SSBP3: variants seen among roughly 807,000 people sequenced by gnomAD.
SSBP3 encodes the protein single stranded DNA binding protein 3.
Under a neutral mutation model 69.6 loss-of-function variants are expected in SSBP3, and 5 were observed. The observed-to-expected ratio is 0.07, with a 90% confidence interval of 0.04 to 0.15. The LOEUF (loss-of-function observed/expected upper bound fraction) is 0.15, where lower values mean the gene tolerates loss of function less well. Ranked by LOEUF, SSBP3 falls within the 10% of genes least tolerant of loss-of-function variation. The pLI is 1.00. For synonymous variants in SSBP3, 196 were observed against 193.4 expected (o/e 1.01, Z -0.11); for missense variants, 312 against 534.0 (o/e 0.58, Z 4.10).
At chr1:54,272,786 G>T (rs1319305673) in intron 5 of SSBP3, among the ~76,000 whole-genome samples, 5 of 152,214 alleles carry the variant, frequency 3.3e-5, no homozygotes, top group Admixed American at 3.3e-4. Context: ...AGGTCCAAAG[G>T]AGAAAGGATA....
chr1:54,352,174 C>CA (rs1199769492), intron 4 of SSBP3, among the ~76,000 whole-genome samples: 14 of 148,482 alleles, frequency 9.4e-5, no homozygotes, highest in South Asian at 2.2e-4. Context: ...CCCCGCCCCC[C>CA]AAAAAAAACA....
chr1:54,240,306 A>AAATT (rs1644607692), intron 13 of SSBP3, among the ~76,000 whole-genome samples: 2 of 150,804 alleles, frequency 1.3e-5, no homozygotes, highest in African/African-American at 4.9e-5. Context: ...AAAAATACAA[A>AAATT]AATTAGCCGG....
chr1:54,235,527 C>T (rs566152815), intron 14 of SSBP3, among the ~76,000 whole-genome samples: 5 of 146,154 alleles, frequency 3.4e-5, no homozygotes, highest in African/African-American at 1.3e-4. Context: ...GCAATCTCAG[C>T]TCACTGCAAC....
At chr1:54,410,015 T>C (rs1394362329), upstream of SSBP3, among the ~76,000 whole-genome samples, 1 of 152,224 alleles carries the variant, frequency 6.6e-6, no homozygotes, top group African/African-American at 2.4e-5. Context: ...GGGGCAGGTG[T>C]GCCCTCTGTG....
upstream of SSBP3, among the ~76,000 whole-genome samples, chr1:54,406,996 G>T (rs1345886436): frequency 6.6e-6 from 1 of 151,940 alleles, no homozygotes; most frequent in Non-Finnish European, 1.5e-5. Flanking sequence ...GCCCAGTCTG[G>T]CTTCCGAGCG....
intron 4 of SSBP3, among the ~76,000 whole-genome samples, chr1:54,337,790 C>G (rs745863867): frequency 6.6e-6 from 1 of 152,150 alleles, no homozygotes; most frequent in East Asian, 2.0e-4. Flanking sequence ...CCACCATGCC[C>G]GGCCTCCTCA....
At chr1:54,320,903 C>CA (rs1646200522) in intron 4 of SSBP3, among the ~76,000 whole-genome samples, 1 of 152,044 alleles carries the variant, frequency 6.6e-6, no homozygotes, top group South Asian at 2.1e-4. Flanking sequence ...AACAAGAGTA[C>CA]AAAAAAAGGG....
At chr1:54,370,914 T>C (rs992666738) in intron 4 of SSBP3, among the ~76,000 whole-genome samples, 4 of 151,876 alleles carry the variant, frequency 2.6e-5, no homozygotes, top group East Asian at 3.9e-4. Flanking sequence ...CCCAGTGTCT[T>C]TGGTGTTCTT....
At chr1:54,282,073 A>AT (rs1553130850) in intron 4 of SSBP3, among the ~76,000 whole-genome samples, 3,205 of 151,220 alleles carry the variant, frequency 0.021, 73 homozygotes, top group African/African-American at 0.061. Context: ...AATAATAATA[A>AT]AAAAATGGGG....
intron 4 of SSBP3, among the ~76,000 whole-genome samples, chr1:54,376,081 G>A (rs1285700417): frequency 6.6e-6 from 1 of 152,134 alleles, no homozygotes; most frequent in Non-Finnish European, 1.5e-5. Context: ...AATCAGTTAT[G>A]CAAACAGGGA....
chr1:54,280,161 T>C (rs1645364803), intron 5 of SSBP3, among the ~76,000 whole-genome samples: 1 of 152,230 alleles, frequency 6.6e-6, no homozygotes, highest in Non-Finnish European at 1.5e-5. Context: ...TTCACTGCCG[T>C]CCTTCTTAGC....
intron 4 of SSBP3, among the ~76,000 whole-genome samples, 192 bp downstream of exon 4, chr1:54,401,669 G>A (rs905709766): frequency 3.9e-5 from 6 of 152,146 alleles, no homozygotes; most frequent in East Asian, 3.8e-4. Context: ...ATGAAACACC[G>A]TTCACCAAGT....
chr1:54,346,578 G>T (rs1322562641), intron 4 of SSBP3, among the ~76,000 whole-genome samples: 1 of 152,082 alleles, frequency 6.6e-6, no homozygotes, highest in Non-Finnish European at 1.5e-5. Flanking sequence ...ACTTTGGGAG[G>T]CCAAGGCGGG....
chr1:54,368,274 A>G (rs1647060477), intron 4 of SSBP3, among the ~76,000 whole-genome samples: 1 of 147,920 alleles, frequency 6.8e-6, no homozygotes, highest in Non-Finnish European at 1.5e-5. Flanking sequence ...CTCCAGCAGA[A>G]CGAGACTCCA....
At position 54,251,775 on chromosome 1, in the gene SSBP3, C is replaced by G. The variant is rs893609698; in HGVS notation, c.574+19G>C. 20 of 1,609,374 alleles carry G rather than the reference C, an allele frequency of 1.2e-5. 1 individual carries two copies. The Admixed American group carries it at 2.5e-4, about 20-fold the overall frequency. ...TCCTGGCATCCCCAGCCACCCTAGG[C>G]CCACCCTGCCCTCTCTACCTTGTTG... is the stretch of plus-strand genomic sequence containing the variant. On this transcript the variant is annotated intron_variant, in intron 8 of 17. Transcript: ENST00000610401.
At chr1:54,285,515 A>AATT (rs1467401946) in intron 4 of SSBP3, 1 of 152,056 alleles carries the variant, frequency 6.6e-6, no homozygotes, top group Non-Finnish European at 1.5e-5. Flanking sequence ...AAAACTTTAA[A>AATT]ATTATTATTA....
In SSBP3 at chr1:54,228,814, G is replaced by T. The variant is rs2100549866; in HGVS notation, c.940C>A (p.Pro314Thr). ...CCGCCCATCGGACCGTCCGAGCCGG[G>T]ACCCATCGGGAACTGGGGAAGAAGC... is the stretch of plus-strand genomic sequence containing the variant. The change falls in exon 15 of 18, where the codon CCC (proline) becomes ACC (threonine). Residue 314 changes from proline to threonine, a missense_variant. This residue lies in a region of SSBP3 where 63 missense variants were observed against 137.2 expected (regional missense o/e 0.46). Transcript: ENST00000610401. 5.0e-6 allele frequency: 8 copies of T among 1,611,884 alleles called. 1 individual carries two copies. The East Asian group carries it at 1.8e-4, about 36-fold the overall frequency.
At chr1:54,267,710 T>C (rs1424390316) in intron 5 of SSBP3, among the ~76,000 whole-genome samples, 1 of 152,152 alleles carries the variant, frequency 6.6e-6, no homozygotes, top group East Asian at 1.9e-4. Flanking sequence ...ATTTGGGGGC[T>C]TGACCAAGGA....
At chr1:54,347,657 G>A (rs1157300452) in intron 4 of SSBP3, among the ~76,000 whole-genome samples, 1 of 152,210 alleles carries the variant, frequency 6.6e-6, no homozygotes. Context: ...GGGTCCTGAT[G>A]CAATGACTGG....
Sources: allele counts gnomAD v4.1 joint callset (sites outside exome capture counted in the v4.1 genomes callset), GRCh38; gene constraint gnomAD v4.1.1; regional missense constraint gnomAD v4.1.1; transcripts MANE v1.5; gene names NCBI Gene and HGNC (gene_info 2026-07-23, HGNC 2026-07-21).